LSM3: variants seen among roughly 807,000 people sequenced by gnomAD.
LSM3 encodes U6 snRNA-associated Sm-like protein LSm3.
A neutral mutation model predicts 15.4 loss-of-function variants in LSM3; 14 were observed. The ratio of observed to expected loss-of-function variants is 0.91; its 90% CI spans 0.60 to 1.42. The LOEUF (loss-of-function observed/expected upper bound fraction) is 1.42, where lower values mean the gene tolerates loss of function less well. LSM3 is among the 40% of genes most tolerant of loss of function. The probability of loss-of-function intolerance (pLI) is 0.00; values close to 1 mark genes in which losing one functional copy is unlikely to be tolerated. For synonymous variants in LSM3, 46 were observed against 45.1 expected, an observed-to-expected ratio of 1.02 and a Z score of -0.08; for missense variants, 88 against 127.9, an observed-to-expected ratio of 0.69 and a Z score of 1.50.
At chr3:14,190,939 T>C (rs1697133556) in intron 3 of LSM3, among the ~76,000 whole-genome samples, 1 of 152,252 alleles carries the variant, frequency 6.6e-6, no homozygotes, top group African/African-American at 2.4e-5. Flanking sequence ...TAAATAGTTC[T>C]TATTATTTTG....
intron 3 of LSM3, among the ~76,000 whole-genome samples, chr3:14,190,488 TCTC>T (rs1290640503): frequency 1.3e-5 from 2 of 152,296 alleles, no homozygotes; most frequent in African/African-American, 4.8e-5. Flanking sequence ...GGTTTGTAGT[TCTC>T]CTTGAAGAGG....
intron 3 of LSM3, among the ~76,000 whole-genome samples, chr3:14,185,978 C>T (rs1336903824): frequency 6.6e-6 from 1 of 151,742 alleles, no homozygotes; most frequent in African/African-American, 2.4e-5. Flanking sequence ...CAATGTCAGT[C>T]TCAGCTCACT....
chr3:14,189,824 GGCTTTTGTTGCCATT>G (rs1422202521), intron 3 of LSM3, among the ~76,000 whole-genome samples: 1 of 152,092 alleles, frequency 6.6e-6, no homozygotes, highest in Non-Finnish European at 1.5e-5. Context: ...TGTCAATTTT[GGCTTTTGTTGCCATT>G]GCTTTTGGTG....
intron 3 of LSM3, among the ~76,000 whole-genome samples, chr3:14,192,434 C>T (rs1007812730): frequency 2.0e-4 from 31 of 152,304 alleles, no homozygotes; most frequent in African/African-American, 6.5e-4. Context: ...TTATAGGTCT[C>T]TAAGAACTTG....
intron 2 of LSM3, among the ~76,000 whole-genome samples, chr3:14,182,931 T>C (rs969684895): frequency 5.9e-5 from 9 of 152,070 alleles, no homozygotes; most frequent in African/African-American, 2.2e-4. Flanking sequence ...ATAAAGAACC[T>C]CTGGGCTTGG....
At chr3:14,186,266 A>G (rs1697088480) in intron 3 of LSM3, among the ~76,000 whole-genome samples, 1 of 152,270 alleles carries the variant, frequency 6.6e-6, no homozygotes, top group Non-Finnish European at 1.5e-5. Flanking sequence ...ATGTGGGCTC[A>G]GAGTACAAGA....
chr3:14,178,839 GA>G lies in LSM3; in HGVS notation c.-19del, dbSNP rs772407956. On this transcript the variant is annotated 5_prime_UTR_variant, in exon 1 of 4. Transcript: ENST00000306024. Reference sequence around the variant, plus strand: ...GCTCTTGTGTTCTCGCGAGAGGCGGGAAAGGGCGCAGGGTTTGAAACATGGC... The same window carrying G: ...GCTCTTGTGTTCTCGCGAGAGGCGGGAAGGGCGCAGGGTTTGAAACATGGC... The G allele has an allele frequency of 2.2e-5, 35 of 1,614,130 alleles. No individual in the cohort carries two copies. Among genetic ancestry groups the G allele is most frequent in the Admixed American group, 1.5e-4 (9 of 60,012 alleles).
At chr3:14,192,324 C>T (rs1697147363) in intron 3 of LSM3, among the ~76,000 whole-genome samples, 2 of 152,112 alleles carry the variant, frequency 1.3e-5, no homozygotes, top group Admixed American at 6.5e-5. Context: ...GAGCTCAAAT[C>T]CTGAATATCC....
chr3:14,194,097 G>A (rs761651471), intron 3 of LSM3, among the ~76,000 whole-genome samples: 4 of 152,234 alleles, frequency 2.6e-5, no homozygotes, highest in Non-Finnish European at 4.4e-5. Context: ...AGGCTGCAGA[G>A]CAGCAAAGAT....
intron 3 of LSM3, among the ~76,000 whole-genome samples, chr3:14,189,981 G>A (rs1197485194): frequency 6.6e-6 from 1 of 152,172 alleles, no homozygotes; most frequent in Non-Finnish European, 1.5e-5. Context: ...TGTAAAAGGT[G>A]TAAGGAAGGG....
At chr3:14,188,102 G>GTCTGCAGCTAATCTACAGAAC (rs1304174854) in intron 3 of LSM3, among the ~76,000 whole-genome samples, 4 of 152,198 alleles carry the variant, frequency 2.6e-5, no homozygotes, top group African/African-American at 7.2e-5. Flanking sequence ...GATTAGCACT[G>GTCTGCAGCTAATCTACAGAAC]TAATAATAGA....
Position 14,181,544 on chromosome 3 carries a change from C to T in LSM3, c.22-16C>T, listed in dbSNP as rs1346149295. ...TGACTCTAGTACTACATTACTAATCCTGTTTCTTTTATCAGCAACAAACTA... is the reference window on the plus strand; with the variant it reads ...TGACTCTAGTACTACATTACTAATCTTGTTTCTTTTATCAGCAACAAACTA... On this transcript the variant is annotated splice_polypyrimidine_tract_variant and intron_variant, in intron 1 of 3. Coordinates refer to ENST00000306024, the MANE Select transcript of LSM3 (RefSeq NM_014463.3). The T allele has an allele frequency of 6.5e-7, 1 of 1,529,852 alleles. No homozygotes were observed. The highest frequency in any genetic ancestry group is 9.1e-7 in the Non-Finnish European group (1 of 1,103,498). The allele number at this position is 1,529,852 out of a possible 1,614,324, so 94.8% of individuals were successfully genotyped here. A position where few individuals can be genotyped will look rare whatever the true frequency, so the allele number is the denominator to read the frequency against.
At position 14,199,001 on chromosome 3, in the gene LSM3, A is replaced by G. The variant is rs2733552; in HGVS notation, c.*885A>G. 0.59 allele frequency: 89,947 copies of G among 152,154 alleles called. 26,850 individuals carry two copies. Among genetic ancestry groups the G allele is most frequent in the South Asian group, 0.61 (2,925 of 4,820 alleles). 9.4% of individuals were successfully genotyped at this position (152,154 alleles called of 1,614,324 possible). On this transcript the variant is annotated 3_prime_UTR_variant, in exon 4 of 4. Transcript: ENST00000306024. ...GGAGCATGGGGAAGAGCACCCAAAT[A>G]TGGGAGAAAGGGGCAGAGGGACATT...
intron 3 of LSM3, among the ~76,000 whole-genome samples, chr3:14,187,606 T>C (rs1280531792): frequency 6.6e-6 from 1 of 152,206 alleles, no homozygotes; most frequent in Non-Finnish European, 1.5e-5. Flanking sequence ...CTCTCCAAGA[T>C]GGGAAACCAG....
At chr3:14,179,472 A>G (rs1212425664) in intron 1 of LSM3, among the ~76,000 whole-genome samples, 3 of 152,206 alleles carry the variant, frequency 2.0e-5, no homozygotes, top group African/African-American at 4.8e-5. Context: ...TTCTTCCTCA[A>G]ATATCTTTGG....
chr3:14,189,509 ATGGTATCTCATTG>A (rs1199302800), intron 3 of LSM3, among the ~76,000 whole-genome samples: 1 of 152,108 alleles, frequency 6.6e-6, no homozygotes, highest in African/African-American at 2.4e-5. Flanking sequence ...CTGGCATGAG[ATGGTATCTCATTG>A]TGGCTTTGAT....
At chr3:14,190,497 A>T (rs1216417823) in intron 3 of LSM3, among the ~76,000 whole-genome samples, 1 of 152,168 alleles carries the variant, frequency 6.6e-6, no homozygotes, top group Non-Finnish European at 1.5e-5. Flanking sequence ...TTCTCCTTGA[A>T]GAGGTTCTTC....
intron 1 of LSM3, among the ~76,000 whole-genome samples, chr3:14,180,790 C>A (rs1352332883): frequency 1.4e-5 from 2 of 138,230 alleles, no homozygotes; most frequent in African/African-American, 2.7e-5. Context: ...TGAACCCGGA[C>A]TGCCTGACTC....
chr3:14,185,396 TGTAA>T (rs771928917), intron 3 of LSM3, among the ~76,000 whole-genome samples: 1 of 152,144 alleles, frequency 6.6e-6, no homozygotes, highest in Non-Finnish European at 1.5e-5. Flanking sequence ...CACGTGTTAC[TGTAA>T]GTAACATTTT....
Sources: gnomAD v4.1 joint callset for allele counts (sites outside exome capture counted in the v4.1 genomes callset) on GRCh38, gnomAD v4.1.1 for gene constraint, MANE v1.5 for transcripts, NCBI Gene and HGNC (gene_info 2026-07-23, HGNC 2026-07-21) for gene names.